The following DCDC1 variants were observed in gnomAD, a reference collection of about 807,000 sequenced individuals.
The protein encoded by DCDC1 is doublecortin domain containing 1, also known as doublecortin domain-containing protein 1.
DCDC1 carries 200 observed loss-of-function variants against 178.3 expected under a neutral mutation model. The observed-to-expected ratio is 1.12, with a 90% CI of 1.00 to 1.26. DCDC1 has a LOEUF of 1.26. Among genes scored for constraint, DCDC1 ranks in the 50% most tolerant of loss-of-function variants. The probability of loss-of-function intolerance (pLI) is 0.00; values close to 1 mark genes in which losing one functional copy is unlikely to be tolerated. For missense variants in DCDC1, 1,983 were observed against 1,749.2 expected (o/e 1.13, Z -2.38); for synonymous variants, 690 against 604.8 (o/e 1.14, Z -2.07).
chr11:30,951,798 G>T (rs538439307), intron 21 of DCDC1, among the ~76,000 whole-genome samples: 43 of 152,086 alleles, frequency 2.8e-4, no homozygotes, highest in African/African-American at 1.0e-3. Flanking sequence ...AAAACATTTG[G>T]TCTGAAAGAA....
At chr11:30,989,035 T>C (rs190368966) in intron 20 of DCDC1, among the ~76,000 whole-genome samples, 36 of 152,270 alleles carry the variant, frequency 2.4e-4, no homozygotes, top group Non-Finnish European at 5.9e-5. Flanking sequence ...TTCCAATTCA[T>C]GGGAGTAGAT....
At chr11:31,124,169 G>T (rs1591129077) in intron 11 of DCDC1, among the ~76,000 whole-genome samples, 1 of 151,886 alleles carries the variant, frequency 6.6e-6, no homozygotes, top group African/African-American at 2.4e-5. Flanking sequence ...TCATAAATAG[G>T]TCTTATTATT....
intron 11 of DCDC1, among the ~76,000 whole-genome samples, chr11:31,116,757 T>C (rs111351352): frequency 0.022 from 3,340 of 152,190 alleles, 123 homozygotes; most frequent in African/African-American, 0.075. Flanking sequence ...TTAAATATTA[T>C]TTAACAAGTA....
At chr11:31,007,029 C>T (rs978154450) in intron 20 of DCDC1, among the ~76,000 whole-genome samples, 3 of 152,148 alleles carry the variant, frequency 2.0e-5, no homozygotes, top group Non-Finnish European at 4.4e-5. Context: ...CTCATGCCTG[C>T]CATGGTCAAA....
At chr11:31,167,592 C>T (rs1408626084) in intron 9 of DCDC1, among the ~76,000 whole-genome samples, 1 of 152,134 alleles carries the variant, frequency 6.6e-6, no homozygotes, top group East Asian at 1.9e-4. Context: ...CTCTTCTCAC[C>T]AATCTATCTC....
chr11:31,273,067 G>A (rs541653363), intron 7 of DCDC1, among the ~76,000 whole-genome samples: 24 of 152,254 alleles, frequency 1.6e-4, no homozygotes, highest in East Asian at 5.8e-4. Flanking sequence ...CCCTGGGCCC[G>A]GCCCACGAAC....
At chr11:31,194,421 A>G (rs560134498) in intron 9 of DCDC1, among the ~76,000 whole-genome samples, 163 of 152,224 alleles carry the variant, frequency 1.1e-3, no homozygotes, top group African/African-American at 3.4e-3. Context: ...TTTAGAAAAT[A>G]TGGACAAGGA....
intron 11 of DCDC1, among the ~76,000 whole-genome samples, chr11:31,115,399 G>A (rs1208542932): frequency 1.3e-5 from 2 of 152,132 alleles, no homozygotes; most frequent in Non-Finnish European, 2.9e-5. Flanking sequence ...AGACCACCCA[G>A]GAAGCTCTTC....
At chr11:31,004,818 T>C (rs1951754371) in intron 20 of DCDC1, among the ~76,000 whole-genome samples, 1 of 152,068 alleles carries the variant, frequency 6.6e-6, no homozygotes. Context: ...TCCCTATCTA[T>C]AAAATCAGAT....
chr11:30,915,298 T>C (rs1353973209), intron 27 of DCDC1, among the ~76,000 whole-genome samples: 1 of 152,228 alleles, frequency 6.6e-6, no homozygotes, highest in Non-Finnish European at 1.5e-5. Context: ...CCTCTGAATC[T>C]GATTGTGGAT....
intron 9 of DCDC1, among the ~76,000 whole-genome samples, chr11:31,139,957 C>A (rs1434237766): frequency 1.3e-5 from 2 of 152,138 alleles, no homozygotes; most frequent in Admixed American, 6.5e-5. Context: ...TAGAAATAGA[C>A]AAGGCATTCC....
At chr11:30,965,264 T>C (rs926005107) in intron 20 of DCDC1, among the ~76,000 whole-genome samples, 39 of 152,182 alleles carry the variant, frequency 2.6e-4, no homozygotes, top group African/African-American at 9.4e-4. Context: ...GTATCTGACA[T>C]GAGTGAGAGT....
intron 20 of DCDC1, among the ~76,000 whole-genome samples, chr11:31,003,812 A>G (rs539931906): frequency 1.3e-5 from 2 of 152,348 alleles, no homozygotes; most frequent in African/African-American, 4.8e-5. Context: ...GACAGGATGG[A>G]TTTTAGAAAG....
In DCDC1 at chr11:31,328,139, A is replaced by C; in HGVS notation, c.142T>G (p.Tyr48Asp). The C allele has an allele frequency of 6.2e-7, 1 of 1,606,010 alleles. No individual in the cohort carries two copies. The highest frequency in any genetic ancestry group is 2.2e-5 in the East Asian group (1 of 44,684). The change falls in exon 3 of 39, where the codon TAT (tyrosine) becomes GAT (aspartate). Residue 48 changes from tyrosine (Y) to aspartate (D), a missense_variant. Transcript: ENST00000684477. ...TACCTTGGTAAATCATTCAAAATAT[A>C]TTTGTAAATTGGGTTTACAGTATTC... The part of the protein sequence containing the change: ...DGNTVNPIYK[Y>D]ILNDLPREFM...
intron 2 of DCDC1, among the ~76,000 whole-genome samples, chr11:31,333,862 T>A (rs1310050177): frequency 6.6e-6 from 1 of 152,174 alleles, no homozygotes; most frequent in Non-Finnish European, 1.5e-5. Flanking sequence ...TGTCTTGGGG[T>A]TGCTCTTCTC....
At chr11:31,149,535 GTTGGCT>G (rs1421485827) in intron 9 of DCDC1, among the ~76,000 whole-genome samples, 1 of 152,010 alleles carries the variant, frequency 6.6e-6, no homozygotes, top group African/African-American at 2.4e-5. Flanking sequence ...ACCTGCTCGG[GTTGGCT>G]TCCACGCTGT....
intron 1 of DCDC1, among the ~76,000 whole-genome samples, chr11:31,338,401 T>C (rs1014252485): frequency 2.6e-5 from 4 of 151,900 alleles, no homozygotes. Context: ...TATTTGGGGG[T>C]TCACATACAT....
At chr11:31,097,121 T>C (rs1333294259) in intron 15 of DCDC1, among the ~76,000 whole-genome samples, 1 of 152,240 alleles carries the variant, frequency 6.6e-6, no homozygotes, top group East Asian at 1.9e-4. Context: ...ATTATAATTT[T>C]GTTTTCTGAA....
At chr11:31,127,784 T>C (rs1450668664) in intron 10 of DCDC1, 145 bp from the exon 11 acceptor site, 1 of 555,726 alleles carries the variant, frequency 1.8e-6, no homozygotes, top group Non-Finnish European at 3.2e-6. Context: ...GTAAAAACAA[T>C]GAAAGAGATA....
Sources: gnomAD v4.1 joint callset for allele counts (sites outside exome capture counted in the v4.1 genomes callset) on GRCh38, gnomAD v4.1.1 for gene constraint, MANE v1.5 for transcripts, NCBI Gene and HGNC (gene_info 2026-07-23, HGNC 2026-07-21) for gene names.